The following NBEAL1 variants were observed in gnomAD, a reference collection of about 807,000 sequenced individuals.
NBEAL1 encodes neurobeachin-like protein 1.
NBEAL1 carries 273 observed loss-of-function variants against 351.3 expected under a neutral mutation model. The ratio of observed to expected loss-of-function variants is 0.78; its 90% CI spans 0.70 to 0.86. The LOEUF (loss-of-function observed/expected upper bound fraction) is 0.86, where lower values mean the gene tolerates loss of function less well. Ranked by LOEUF, NBEAL1 falls within the 40% of genes least tolerant of loss-of-function variation. The probability of loss-of-function intolerance (pLI) is 0.00; values close to 1 mark genes in which losing one functional copy is unlikely to be tolerated. For synonymous variants in NBEAL1, 1,050 were observed against 1,086.4 expected, an observed-to-expected ratio of 0.97 and a Z score of 0.66; for missense variants, 2,961 against 3,201.3, an observed-to-expected ratio of 0.92 and a Z score of 1.81.
chr2:203,060,983 C>T (rs2061490451), intron 6 of NBEAL1, among the ~76,000 whole-genome samples: 1 of 152,184 alleles, frequency 6.6e-6, no homozygotes, highest in Admixed American at 6.5e-5. Flanking sequence ...GGTATTCTCA[C>T]ACTCTGTACA....
intron 7 of NBEAL1, among the ~76,000 whole-genome samples, chr2:203,070,903 G>A (rs2061671603): frequency 6.6e-6 from 1 of 152,156 alleles, no homozygotes; most frequent in South Asian, 2.1e-4. Flanking sequence ...TGGGGGCATA[G>A]ATCCAAACCA....
chr2:203,070,037 A>G (rs1180938645), intron 7 of NBEAL1, among the ~76,000 whole-genome samples: 1 of 152,120 alleles, frequency 6.6e-6, no homozygotes, highest in Non-Finnish European at 1.5e-5. Flanking sequence ...ATTGATTTTT[A>G]TATCCTTGTT....
chr2:203,050,543 A>G (rs910385638), intron 4 of NBEAL1, among the ~76,000 whole-genome samples: 1 of 152,208 alleles, frequency 6.6e-6, no homozygotes, highest in Admixed American at 6.5e-5. Flanking sequence ...GTAAATGTAT[A>G]TGCATTTTTA....
intron 53 of NBEAL1, among the ~76,000 whole-genome samples, chr2:203,210,234 A>C (rs576200082): frequency 6.6e-6 from 1 of 151,866 alleles, no homozygotes; most frequent in East Asian, 2.0e-4. Context: ...ATGGTGGTGC[A>C]TGCCTGTAGT....
chr2:203,024,849 G>A (rs1003430443), intron 2 of NBEAL1, among the ~76,000 whole-genome samples: 20 of 152,238 alleles, frequency 1.3e-4, no homozygotes, highest in Admixed American at 2.0e-4. Context: ...GCAACAGAGC[G>A]AGACTCTGTC....
chr2:203,166,223 A>G lies in NBEAL1; in HGVS notation c.5789A>G (p.Asp1930Gly), dbSNP rs374590189. The G allele has an allele frequency of 1.1e-5, 18 of 1,610,358 alleles. No individual in the cohort carries two copies. In the East Asian group the frequency reaches 3.8e-4, roughly 34 times the overall value. The change falls in exon 37 of 56, where the codon GAT (aspartate) becomes GGT (glycine). Residue 1930 changes from aspartate to glycine, a missense_variant. By Grantham distance (94) the Asp-to-Gly change is moderately conservative (BLOSUM62 -1). Transcript: ENST00000683969. ...MEDCELITIIDVIPGRLEITT... is the reference protein window; with the variant it reads ...MEDCELITIIGVIPGRLEITT... ...GACTGTGAACTCATTACAATAATTG[A>G]TGTAATTCCTGGCAGATTAGAAATC...
chr2:203,153,186 G>T (rs1420617169), intron 35 of NBEAL1, among the ~76,000 whole-genome samples: 1 of 152,006 alleles, frequency 6.6e-6, no homozygotes, highest in Non-Finnish European at 1.5e-5. Context: ...AAGCTAGATT[G>T]CAGAGGCTTG....
Position 203,110,225 on chromosome 2 carries a change from A to G in NBEAL1, c.2025A>G (p.Thr675=). The part of the protein sequence containing the change: ...HSGMLVVAVC[T]KREYATVMLP... ...GTATGTTGGTCGTGGCAGTGTGCAC[A>G]AAAAGAGAATATGCAACGGTTATGC... Residue 675 remains threonine, a synonymous_variant, in exon 15 of 56, where the codon ACA becomes ACG. Transcript: ENST00000683969. 6.4e-7 allele frequency: 1 copy of G among 1,553,678 alleles called. No homozygotes were observed. The highest frequency in any genetic ancestry group is 8.7e-7 in the Non-Finnish European group (1 of 1,147,442).
intron 2 of NBEAL1, among the ~76,000 whole-genome samples, chr2:203,038,209 A>G (rs756592503): frequency 4.0e-5 from 6 of 148,976 alleles, no homozygotes; most frequent in African/African-American, 7.3e-5. Flanking sequence ...TTTTTGTACA[A>G]GTGTTTTTGT....
rs1451679387 is a variant in NBEAL1, at chr2:203,169,752, A to G, written c.6003A>G (p.Arg2001=). 1.9e-6 allele frequency: 3 copies of G among 1,595,520 alleles called. No homozygotes were observed. Residue 2001 remains arginine, a synonymous_variant, in exon 39 of 56, where the codon AGA becomes AGG. Transcript: ENST00000683969. ...TAAAATGCTGTTTTTTATAGGTTAG[A>G]AACAAAATATATAGCCGACTGTTGT... ...NYFLNFKKEV[R]NKIYSRLLSL...
intron 36 of NBEAL1, among the ~76,000 whole-genome samples, chr2:203,161,984 GT>G (rs2063976640): frequency 6.7e-6 from 1 of 148,200 alleles, no homozygotes; most frequent in East Asian, 2.0e-4. Flanking sequence ...CCTAATGTGA[GT>G]TTTGGGGGTT....
intron 6 of NBEAL1, among the ~76,000 whole-genome samples, chr2:203,067,314 T>A (rs1473472863): frequency 6.6e-6 from 1 of 152,244 alleles, no homozygotes; most frequent in Non-Finnish European, 1.5e-5. Flanking sequence ...TAATCACTGT[T>A]CTGCCTTCCA....
chr2:203,113,897 C>T (rs2062630223), intron 17 of NBEAL1, among the ~76,000 whole-genome samples: 1 of 149,260 alleles, frequency 6.7e-6, no homozygotes, highest in Non-Finnish European at 1.5e-5. Flanking sequence ...TCCCGGCTCA[C>T]TGCAAGCTCC....
intron 15 of NBEAL1, among the ~76,000 whole-genome samples, chr2:203,110,791 G>T (rs1434066350): frequency 5.9e-5 from 6 of 101,432 alleles, no homozygotes; most frequent in Admixed American, 1.4e-4. Context: ...TTTTGAGATA[G>T]AGTCTTGCTC....
At chr2:203,181,769 C>T (rs2064725267) in intron 43 of NBEAL1, 1 of 152,136 alleles carries the variant, frequency 6.6e-6, no homozygotes, top group South Asian at 2.1e-4. Flanking sequence ...CAGGGCATCA[C>T]AGTAAGGCAG....
intron 51 of NBEAL1, among the ~76,000 whole-genome samples, chr2:203,204,118 G>A (rs1156478368): frequency 4.0e-5 from 6 of 150,932 alleles, no homozygotes; most frequent in Non-Finnish European, 5.9e-5. Context: ...TAGTAGAGAC[G>A]GGGTTTCACC....
At chr2:203,025,685 A>T (rs1291481194) in intron 2 of NBEAL1, among the ~76,000 whole-genome samples, 1 of 152,164 alleles carries the variant, frequency 6.6e-6, no homozygotes, top group Non-Finnish European at 1.5e-5. Context: ...TGTGGTATAT[A>T]TAGATCCAAT....
At chr2:203,061,246 T>A (rs2061494513) in intron 6 of NBEAL1, 1 of 152,230 alleles carries the variant, frequency 6.6e-6, no homozygotes. Context: ...ACATTCATTT[T>A]TCCCCCAGTA....
At chr2:203,113,445 T>G in intron 17 of NBEAL1, 127 bp downstream of exon 17, 1 of 583,846 alleles carries the variant, frequency 1.7e-6, no homozygotes, top group Non-Finnish European at 2.5e-6. Flanking sequence ...GTGAAGAGTG[T>G]ATTTGTTTTA....
Sources: gnomAD v4.1 joint callset for allele counts (sites outside exome capture counted in the v4.1 genomes callset) on GRCh38, gnomAD v4.1.1 for gene constraint, MANE v1.5 for transcripts, NCBI Gene and HGNC (gene_info 2026-07-23, HGNC 2026-07-21) for gene names.